Variants in RPIA observed in about 807,000 individuals in gnomAD.
The protein encoded by RPIA is ribose 5-phosphate isomerase A.
RPIA carries 29 observed loss-of-function variants against 37.8 expected under a neutral mutation model. The observed-to-expected ratio is 0.77, with a 90% CI of 0.57 to 1.05. RPIA has a LOEUF of 1.05. Ranked by LOEUF, RPIA falls within the 50% of genes least tolerant of loss-of-function variation. The pLI, the probability that RPIA is intolerant of heterozygous loss-of-function variation, is 0.00. For synonymous variants in RPIA, 167 were observed against 157.0 expected (o/e 1.06, Z -0.48); for missense variants, 385 against 413.6 (o/e 0.93, Z 0.60).
intron 8 of RPIA, among the ~76,000 whole-genome samples, chr2:88,749,738 A>G (rs1396637747): frequency 1.1e-4 from 16 of 152,244 alleles, no homozygotes; most frequent in African/African-American, 3.4e-4. Flanking sequence ...GCCTCAGGGC[A>G]GGACAAAGCT....
At chr2:88,723,211 A>C (rs1379224519) in intron 3 of RPIA, among the ~76,000 whole-genome samples, 6 of 152,166 alleles carry the variant, frequency 3.9e-5, no homozygotes, top group Non-Finnish European at 8.8e-5. Context: ...AGAGATTAAG[A>C]CCAACTAGTT....
At chr2:88,749,928 C>T in intron 8 of RPIA, 53 bp from the exon 9 acceptor site, 1 of 1,353,032 alleles carries the variant, frequency 7.4e-7, no homozygotes, top group Admixed American at 1.7e-5. Flanking sequence ...CTTTGAGTCT[C>T]TTTTTGCTTT....
chr2:88,734,369 GT>G (rs1673289857), intron 4 of RPIA, among the ~76,000 whole-genome samples, 182 bp from the exon 5 acceptor site: 1 of 152,132 alleles, frequency 6.6e-6, no homozygotes, highest in Admixed American at 6.5e-5. Context: ...GTCCTGTGCT[GT>G]TTCCCTTTGA....
intron 6 of RPIA, among the ~76,000 whole-genome samples, chr2:88,736,081 G>A (rs1360141012): frequency 6.6e-6 from 1 of 152,220 alleles, no homozygotes; most frequent in East Asian, 1.9e-4. Flanking sequence ...GAGGCAGGGT[G>A]TGCCCTGCCC....
intron 3 of RPIA, among the ~76,000 whole-genome samples, chr2:88,718,924 C>T (rs989288193): frequency 1.3e-5 from 2 of 152,124 alleles, no homozygotes; most frequent in East Asian, 1.9e-4. Flanking sequence ...AAGAAAGGAT[C>T]AGCAACGTCT....
Position 88,693,253 on chromosome 2 carries a change from C to T in RPIA, c.285+1270C>T, listed in dbSNP as rs113337415. ...GAATTTACATTAATATTTGGTGGCG[C>T]ATCTCCCTGACCTTTGTGTTATAGT... On this transcript the variant is annotated intron_variant, in intron 1 of 8. Transcript: ENST00000283646. Among the ~76,000 whole-genome samples the T allele has an allele frequency of 3.7e-3, 566 of 152,348 alleles. 2 individuals are homozygous for T. Among genetic ancestry groups the T allele is most frequent in the African/African-American group, 0.012 (499 of 41,592 alleles).
chr2:88,723,724 G>A (rs1673162065), intron 3 of RPIA, among the ~76,000 whole-genome samples: 1 of 152,094 alleles, frequency 6.6e-6, no homozygotes, highest in Non-Finnish European at 1.5e-5. Flanking sequence ...AGTTTATTTT[G>A]CCAAAGTTGA....
At chr2:88,718,970 A>G (rs1157370571) in intron 3 of RPIA, among the ~76,000 whole-genome samples, 2 of 152,210 alleles carry the variant, frequency 1.3e-5, no homozygotes, top group African/African-American at 4.8e-5. Context: ...TCAGACTTCT[A>G]TTAGTTTAGT....
intron 8 of RPIA, among the ~76,000 whole-genome samples, chr2:88,738,581 A>T (rs912879388): frequency 6.6e-6 from 1 of 152,152 alleles, no homozygotes; most frequent in African/African-American, 2.4e-5. Flanking sequence ...AAACCTGGGG[A>T]AATCTGTGTG....
intron 3 of RPIA, among the ~76,000 whole-genome samples, chr2:88,726,355 G>GT (rs1370049723): frequency 6.6e-6 from 1 of 151,786 alleles, no homozygotes; most frequent in Non-Finnish European, 1.5e-5. Context: ...AAAACATTGA[G>GT]TTTTTTTGTG....
At chr2:88,735,318 G>A (rs902127905) in intron 5 of RPIA, among the ~76,000 whole-genome samples, 9 of 152,128 alleles carry the variant, frequency 5.9e-5, no homozygotes, top group African/African-American at 1.7e-4. Flanking sequence ...TCGACTGGGC[G>A]GGTTGTTCAA....
chr2:88,747,916 A>G (rs895388132), intron 8 of RPIA, among the ~76,000 whole-genome samples: 3 of 152,158 alleles, frequency 2.0e-5, no homozygotes, highest in African/African-American at 7.2e-5. Flanking sequence ...TCTTGGAGCA[A>G]AAGTTCACAA....
At chr2:88,728,886 C>T (rs373930644) in intron 3 of RPIA, among the ~76,000 whole-genome samples, 6 of 152,212 alleles carry the variant, frequency 3.9e-5, no homozygotes, top group Non-Finnish European at 8.8e-5. Context: ...TGATCTTCCT[C>T]AGTCTGTTTT....
chr2:88,712,031 T>C (rs1254465771), intron 3 of RPIA, among the ~76,000 whole-genome samples: 1 of 152,194 alleles, frequency 6.6e-6, no homozygotes, highest in African/African-American at 2.4e-5. Flanking sequence ...TGTGCCTGAA[T>C]TCCAAAGGGA....
chr2:88,748,574 T>C (rs1673465440), intron 8 of RPIA, among the ~76,000 whole-genome samples: 1 of 152,254 alleles, frequency 6.6e-6, no homozygotes, highest in South Asian at 2.1e-4. Flanking sequence ...TGTTATGTCA[T>C]TGAAGTATGT....
chr2:88,699,386 T>C (rs1047095002), intron 2 of RPIA, among the ~76,000 whole-genome samples: 22 of 152,050 alleles, frequency 1.4e-4, no homozygotes, highest in African/African-American at 5.3e-4. Flanking sequence ...TTAATACGAA[T>C]TTTTTCCTGA....
chr2:88,715,170 G>A (rs1416252830), intron 3 of RPIA, among the ~76,000 whole-genome samples: 1 of 152,226 alleles, frequency 6.6e-6, no homozygotes, highest in Non-Finnish European at 1.5e-5. Context: ...GTCTCCCTGA[G>A]TAGTTGGGGG....
At chr2:88,734,881 C>T (rs1313919701) in intron 5 of RPIA, among the ~76,000 whole-genome samples, 1 of 152,148 alleles carries the variant, frequency 6.6e-6, no homozygotes, top group Non-Finnish European at 1.5e-5. Flanking sequence ...TTGATTCAGA[C>T]TTTAAAAACT....
intron 3 of RPIA, among the ~76,000 whole-genome samples, chr2:88,721,817 T>C (rs1673135665): frequency 6.6e-6 from 1 of 150,920 alleles, no homozygotes; most frequent in African/African-American, 2.4e-5. Context: ...ATAATTAAAA[T>C]CTCTAATAAT....
Sources: allele counts gnomAD v4.1 joint callset (sites outside exome capture counted in the v4.1 genomes callset), GRCh38; gene constraint gnomAD v4.1.1; transcripts MANE v1.5; gene names NCBI Gene and HGNC (gene_info 2026-07-23, HGNC 2026-07-21).